The following KCNU1 variants were observed in gnomAD, a reference collection of about 807,000 sequenced individuals.
KCNU1 encodes potassium channel subfamily U member 1.
Under a neutral mutation model 126.8 loss-of-function variants are expected in KCNU1, and 93 were observed. That is an observed-to-expected ratio of 0.73 (90% CI 0.62 to 0.87). KCNU1 has a LOEUF of 0.87. Ranked by LOEUF, KCNU1 falls within the 40% of genes least tolerant of loss-of-function variation. KCNU1 has a pLI of 0.00. For missense variants in KCNU1, 1,330 were observed against 1,367.1 expected, an observed-to-expected ratio of 0.97 and a Z score of 0.43; for synonymous variants, 523 against 494.2, an observed-to-expected ratio of 1.06 and a Z score of -0.77.
chr8:36,814,117 A>G (rs1803822051), intron 7 of KCNU1, 90 bp from the exon 8 acceptor site: 1 of 893,638 alleles, frequency 1.1e-6, no homozygotes, highest in African/African-American at 1.7e-5. Flanking sequence ...GATTGAATGA[A>G]GTGCAATTAA....
intron 11 of KCNU1, 64 bp from the exon 12 acceptor site, chr8:36,834,722 G>C: frequency 9.9e-7 from 1 of 1,012,650 alleles, no homozygotes; most frequent in Non-Finnish European, 1.5e-6. Flanking sequence ...AAACCCGAAA[G>C]GGGAAGACCA....
At position 36,879,209 on chromosome 8, in the gene KCNU1, GTGTATATA is replaced by G. The variant is rs1260900490; in HGVS notation, c.2009+14690_2009+14697del. Reference sequence around the variant, plus strand: ...TATATGTATGTGTGTGTGTGTGTGTGTGTATATATATATATATATATATATATATACAC... The same window carrying G: ...TATATGTATGTGTGTGTGTGTGTGTGTATATATATATATATATATATACAC... On this transcript the variant is annotated intron_variant, in intron 19 of 26. Transcript: ENST00000399881. Among the ~76,000 whole-genome samples the G allele has an allele frequency of 2.0e-4, 17 of 86,684 alleles. 1 individual carries two copies. The South Asian group carries it at 2.3e-3, about 12-fold the overall frequency. The allele number at this position is 86,684 out of a possible 152,430, so 56.9% of individuals were successfully genotyped here. A position where few individuals can be genotyped will look rare whatever the true frequency, so the allele number is the denominator to read the frequency against.
intron 1 of KCNU1, among the ~76,000 whole-genome samples, chr8:36,784,965 G>A (rs144504638): frequency 1.3e-3 from 201 of 152,328 alleles, no homozygotes; most frequent in Middle Eastern, 6.8e-3. Context: ...TAGAAAGGAG[G>A]TGAAAGGGAA....
intron 19 of KCNU1, among the ~76,000 whole-genome samples, chr8:36,880,579 G>C (rs527589467): frequency 6.6e-6 from 1 of 152,108 alleles, no homozygotes; most frequent in Non-Finnish European, 1.5e-5. Flanking sequence ...GAGAGAAAGA[G>C]GTGGGGAAGT....
At position 36,808,799 on chromosome 8, in the gene KCNU1, C is replaced by T; in HGVS notation, c.732+6C>T. On this transcript the variant is annotated splice_donor_region_variant and intron_variant, in intron 7 of 26. Transcript: ENST00000399881. ...CTGCGGGATTCATTCACCTGGTAAGCATCTCATCACAATCCCTAGTGGTGT... is the reference window on the plus strand; with the variant it reads ...CTGCGGGATTCATTCACCTGGTAAGTATCTCATCACAATCCCTAGTGGTGT... The T allele has an allele frequency of 6.3e-7, 1 of 1,597,202 alleles. No homozygotes were observed. Among genetic ancestry groups the T allele is most frequent in the South Asian group, 1.1e-5 (1 of 89,886 alleles).
chr8:36,912,607 T>C (rs1305725078), intron 22 of KCNU1, among the ~76,000 whole-genome samples: 2 of 151,700 alleles, frequency 1.3e-5, no homozygotes. Context: ...ATCATTTGTG[T>C]GTGTGTGTGT....
At chr8:36,880,815 T>C (rs1377767805) in intron 19 of KCNU1, among the ~76,000 whole-genome samples, 1 of 152,068 alleles carries the variant, frequency 6.6e-6, no homozygotes, top group Non-Finnish European at 1.5e-5. Flanking sequence ...TCATATTACT[T>C]TTTTCCTAAA....
intron 2 of KCNU1, among the ~76,000 whole-genome samples, chr8:36,791,000 A>G (rs949103529): frequency 1.7e-4 from 14 of 80,300 alleles, no homozygotes; most frequent in Middle Eastern, 5.3e-3. Context: ...GGAAGATGGA[A>G]AAAAAAAAAA....
At chr8:36,801,858 C>T (rs1803318957) in intron 2 of KCNU1, among the ~76,000 whole-genome samples, 1 of 151,886 alleles carries the variant, frequency 6.6e-6, no homozygotes, top group Non-Finnish European at 1.5e-5. Flanking sequence ...ACCTGTAATC[C>T]CAGCACTTGA....
Position 36,836,300 on chromosome 8 carries a change from C to A in KCNU1, c.1300C>A (p.Leu434Ile), listed in dbSNP as rs776053264. ...AEDISNIMRV[L>I]SIKNYDSTTR... ...GAGTGTTTGGGGTTTATATAGGGTGCTCTCTATCAAGAACTATGATTCTAC... is the reference window on the plus strand; with the variant it reads ...GAGTGTTTGGGGTTTATATAGGGTGATCTCTATCAAGAACTATGATTCTAC... Residue 434 changes from leucine to isoleucine, a missense_variant, in exon 13 of 27, where the codon CTC becomes ATC. Leu to Ile is a conservative substitution (Grantham distance 5). Transcript: ENST00000399881. 1.6e-5 allele frequency: 25 copies of A among 1,599,518 alleles called. No individual in the cohort carries two copies. The South Asian group carries it at 2.6e-4, about 17-fold the overall frequency.
intron 20 of KCNU1, among the ~76,000 whole-genome samples, chr8:36,907,700 T>C (rs186581523): frequency 2.0e-5 from 3 of 152,302 alleles, no homozygotes; most frequent in Admixed American, 2.0e-4. Flanking sequence ...ACTTCATCAA[T>C]GCCTGTTTCA....
chr8:36,880,688 C>T (rs7010167), intron 19 of KCNU1, among the ~76,000 whole-genome samples: 21,502 of 152,054 alleles, frequency 0.14, 1,969 homozygotes, highest in East Asian at 0.36. Flanking sequence ...GGGTTTCAAG[C>T]AAGAGATGAG....
At position 36,909,411 on chromosome 8, in the gene KCNU1, T is replaced by A. The variant is rs1165986955; in HGVS notation, c.2207T>A (p.Met736Lys). ...SAPMGLRNFV[M>K]PLRASNYTRK... is the part of the protein sequence containing the mutation. Reference sequence around the variant, plus strand: ...CCGATGGGGCTTCGGAACTTTGTAATGCCCTTGAGAGCCAGCAACTATACC... The same window carrying A: ...CCGATGGGGCTTCGGAACTTTGTAAAGCCCTTGAGAGCCAGCAACTATACC... Residue 736 changes from methionine to lysine, a missense_variant, in exon 21 of 27, where the codon ATG (methionine) becomes AAG (lysine). Met to Lys is a moderately conservative substitution (Grantham distance 95, BLOSUM62 -1). This residue lies in a region of KCNU1 where 1,054 missense variants were observed against 1,053.9 expected (regional missense o/e 1.00). Coordinates refer to ENST00000399881, the MANE Select transcript of KCNU1 (RefSeq NM_001031836.3). The A allele has an allele frequency of 6.2e-7, 1 of 1,613,058 alleles. No homozygotes were observed. The highest frequency in any genetic ancestry group is 1.3e-5 in the African/African-American group (1 of 74,908).
At chr8:36,792,169 T>A (rs1585376798) in intron 2 of KCNU1, among the ~76,000 whole-genome samples, 1 of 152,188 alleles carries the variant, frequency 6.6e-6, no homozygotes, top group East Asian at 1.9e-4. Flanking sequence ...TCCTTACCCC[T>A]ATCCCCAGAA....
chr8:36,845,509 A>C (rs572488995), intron 16 of KCNU1, 71 bp from the exon 17 acceptor site: 16 of 850,210 alleles, frequency 1.9e-5, no homozygotes, highest in Non-Finnish European at 2.9e-5. Context: ...TGATCATAAC[A>C]GAAAGAGGCA....
chr8:36,806,192 C>A, intron 4 of KCNU1, 77 bp from the exon 5 acceptor site: 2 of 788,304 alleles, frequency 2.5e-6, no homozygotes, highest in Non-Finnish European at 4.1e-6. Flanking sequence ...TAAAATGCAG[C>A]TGAATAATGC....
intron 19 of KCNU1, among the ~76,000 whole-genome samples, chr8:36,885,277 G>A (rs898810719): frequency 2.4e-4 from 36 of 152,148 alleles, no homozygotes; most frequent in African/African-American, 8.0e-4. Context: ...ACCAGTGGCC[G>A]GATACGATGG....
intron 22 of KCNU1, among the ~76,000 whole-genome samples, chr8:36,913,871 G>A (rs562407342): frequency 6.6e-6 from 1 of 152,064 alleles, no homozygotes; most frequent in Non-Finnish European, 1.5e-5. Context: ...AAAGTGCTGG[G>A]ATTACAGGCT....
Position 36,806,260 on chromosome 8 carries a change from A to G in KCNU1, c.469-9A>G, listed in dbSNP as rs750293425. The G allele has an allele frequency of 2.5e-6, 4 of 1,579,362 alleles. No individual in the cohort carries two copies. Among genetic ancestry groups the G allele is most frequent in the Non-Finnish European group, 3.5e-6 (4 of 1,154,116 alleles). Reference sequence around the variant, plus strand: ...ACAGAATTTGTGTTATTCTGTTTCTATTTCATAGTTTATGGCAGCTGATGA... The same window carrying G: ...ACAGAATTTGTGTTATTCTGTTTCTGTTTCATAGTTTATGGCAGCTGATGA... On this transcript the variant is annotated splice_polypyrimidine_tract_variant and intron_variant, in intron 4 of 26. Coordinates refer to ENST00000399881, the MANE Select transcript of KCNU1 (RefSeq NM_001031836.3).
Sources: gnomAD v4.1 joint callset for allele counts (sites outside exome capture counted in the v4.1 genomes callset) on GRCh38, gnomAD v4.1.1 for gene constraint, gnomAD v4.1.1 regional missense constraint, MANE v1.5 for transcripts, NCBI Gene and HGNC (gene_info 2026-07-23, HGNC 2026-07-21) for gene names.